PARD6G: variants seen among roughly 807,000 people sequenced by gnomAD.
PARD6G encodes par-6 family cell polarity regulator gamma, also known as partitioning defective 6 homolog gamma.
In PARD6G, 7 loss-of-function variants were observed where a neutral mutation model predicts 10.7. The ratio of observed to expected loss-of-function variants is 0.66; its 90% CI spans 0.37 to 1.23. The LOEUF (loss-of-function observed/expected upper bound fraction) is 1.23. PARD6G is among the 50% of genes most tolerant of loss of function. PARD6G has a pLI of 0.02. For synonymous variants in PARD6G, 287 were observed against 269.4 expected (o/e 1.07, Z -0.64); for missense variants, 548 against 571.8 (o/e 0.96, Z 0.42).
chr18:80,218,130 C>G lies in PARD6G; in HGVS notation c.73-15198G>C, dbSNP rs577808989. ...ACACCATATCATTCCACCCTGGCCC[C>G]TCCAAAATCTCATGTCCTCACATTT... On this transcript the variant is annotated intron_variant, in intron 1 of 2. Transcript: ENST00000353265. Among the ~76,000 whole-genome samples the G allele has an allele frequency of 5.6e-4, 86 of 152,232 alleles. 1 individual carries two copies. Among genetic ancestry groups the G allele is most frequent in the African/African-American group, 2.0e-3 (81 of 41,538 alleles).
intron 1 of PARD6G, among the ~76,000 whole-genome samples, chr18:80,223,308 TC>T (rs1180749007): frequency 1.3e-5 from 2 of 152,134 alleles, no homozygotes; most frequent in African/African-American, 4.8e-5. Context: ...TCAAGGAACA[TC>T]ATGAAGAAAG....
intron 1 of PARD6G, among the ~76,000 whole-genome samples, chr18:80,240,488 C>G (rs1312510900): frequency 6.6e-6 from 1 of 152,188 alleles, no homozygotes; most frequent in African/African-American, 2.4e-5. Context: ...CTCTTCCCAC[C>G]TCCAATGCTG....
intron 2 of PARD6G, chr18:80,171,155 TTACTATAG>T (rs1353571437): frequency 6.6e-6 from 1 of 152,260 alleles, no homozygotes; most frequent in African/African-American, 2.4e-5. Flanking sequence ...CACTCTTCTA[TTACTATAG>T]TCAGCATTTG....
At chr18:80,165,727 G>A (rs1269586628) in intron 2 of PARD6G, among the ~76,000 whole-genome samples, 1 of 139,444 alleles carries the variant, frequency 7.2e-6, no homozygotes, top group Admixed American at 7.0e-5. Context: ...TTTAGTAAAG[G>A]TTTGTTTTGA....
intron 2 of PARD6G, among the ~76,000 whole-genome samples, chr18:80,165,135 C>T (rs1165053875): frequency 1.3e-5 from 2 of 152,198 alleles, no homozygotes; most frequent in Admixed American, 1.3e-4. Context: ...TCTCCCCACC[C>T]TAGTAAGCCT....
intron 2 of PARD6G, among the ~76,000 whole-genome samples, chr18:80,186,116 ACACGCACC>A (rs2052875039): frequency 7.3e-6 from 1 of 137,808 alleles, no homozygotes. Flanking sequence ...GCACACCCTC[ACACGCACC>A]CACACATGCG....
chr18:80,174,198 T>C (rs2052794587), intron 2 of PARD6G, among the ~76,000 whole-genome samples: 1 of 152,116 alleles, frequency 6.6e-6, no homozygotes, highest in Non-Finnish European at 1.5e-5. Flanking sequence ...CTGTATCCTC[T>C]CCAGGTCCAC....
chr18:80,178,157 GT>G (rs2052827206), intron 2 of PARD6G: 1 of 167,114 alleles, frequency 6.0e-6, no homozygotes, highest in Non-Finnish European at 1.5e-5. Flanking sequence ...GCATCCCCAT[GT>G]CTGTCCCAGT....
chr18:80,219,999 T>C (rs1967211957), intron 1 of PARD6G, among the ~76,000 whole-genome samples: 1 of 152,164 alleles, frequency 6.6e-6, no homozygotes, highest in African/African-American at 2.4e-5. Flanking sequence ...GTGGTACCAA[T>C]TTACTGTATT....
intron 1 of PARD6G, among the ~76,000 whole-genome samples, chr18:80,235,275 T>C (rs1411228091): frequency 6.6e-6 from 1 of 151,762 alleles, no homozygotes; most frequent in Non-Finnish European, 1.5e-5. Flanking sequence ...ACATAACAAA[T>C]TGAAGGCAGA....
intron 1 of PARD6G, among the ~76,000 whole-genome samples, chr18:80,235,631 G>C (rs1484952011): frequency 1.3e-5 from 2 of 151,990 alleles, no homozygotes; most frequent in East Asian, 3.9e-4. Flanking sequence ...ATAAAGAAGA[G>C]AGAAGAATCA....
At chr18:80,170,158 A>G (rs1358685827) in intron 2 of PARD6G, 1 of 151,394 alleles carries the variant, frequency 6.6e-6, no homozygotes, top group Non-Finnish European at 1.5e-5. Context: ...ACATGCCAGA[A>G]CAATATTTCA....
rs2145312823 is a variant in PARD6G, at chr18:80,247,411, G to A, written c.-63C>T. 2.2e-6 allele frequency: 3 copies of A among 1,381,138 alleles called. No individual in the cohort carries two copies. Among genetic ancestry groups the A allele is most frequent in the Non-Finnish European group, 1.9e-6 (2 of 1,026,988 alleles). 85.6% of individuals were successfully genotyped at this position (1,381,138 alleles called of 1,614,324 possible). ...CCTCAGGGGCCGCAGAAAGACTCCC[G>A]GGGGCGGCGCCCCCAGGCCCCGGCC... On this transcript the variant is annotated 5_prime_UTR_variant, in exon 1 of 3. Coordinates refer to ENST00000353265, the MANE Select transcript of PARD6G (RefSeq NM_032510.4). This position sits in a 1 kb window ranked among gnomAD's most constrained non-coding sequence, Gnocchi z 4.2.
rs572719232 is a variant in PARD6G, at chr18:80,196,890, TAAAAAAAAA to T, written c.295+5811_295+5819del. The stretch of plus-strand genomic sequence containing the variant: ...GGAGTGGGAGACTTTTTTCTTTTAT[TAAAAAAAAA>T]AAAAAAAAAAAAAAAAAAGAAAATC... On this transcript the variant is annotated intron_variant, in intron 2 of 2. Coordinates refer to ENST00000353265, the MANE Select transcript of PARD6G (RefSeq NM_032510.4). 4.0e-4 allele frequency among the ~76,000 whole-genome samples: 35 copies of T among 88,026 alleles called. 1 individual carries two copies. The highest frequency in any genetic ancestry group is 2.8e-3 in the East Asian group (8 of 2,888). 57.7% of individuals were successfully genotyped at this position (88,026 alleles called of 152,430 possible). A position where few individuals can be genotyped will look rare whatever the true frequency, so the allele number is the denominator to read the frequency against.
chr18:80,226,408 T>A (rs1202862799), intron 1 of PARD6G, among the ~76,000 whole-genome samples: 2 of 152,082 alleles, frequency 1.3e-5, no homozygotes, highest in African/African-American at 4.8e-5. Context: ...CGACCTCAGG[T>A]GATCCGCCTG....
In PARD6G at chr18:80,243,304, C is replaced by A. The variant is rs538401114; in HGVS notation, c.72+3973G>T. 2.6e-5 allele frequency among the ~76,000 whole-genome samples: 4 copies of A among 152,246 alleles called. No homozygotes were observed. In the South Asian group the frequency reaches 6.2e-4, roughly 24 times the overall value. ...AATATTACTGACATGAAAAAACACT[C>A]GCAATACATGATAAGTTAGAGGGGA... On this transcript the variant is annotated intron_variant, in intron 1 of 2. Transcript: ENST00000353265.
At chr18:80,167,692 A>G (rs1294801633) in intron 2 of PARD6G, among the ~76,000 whole-genome samples, 2 of 152,052 alleles carry the variant, frequency 1.3e-5, no homozygotes, top group African/African-American at 4.8e-5. Flanking sequence ...GACCATGGGA[A>G]CATGGCCTAA....
At position 80,247,015 on chromosome 18, in the gene PARD6G, C is replaced by A. The variant is rs1245509150; in HGVS notation, c.72+262G>T. Among the ~76,000 whole-genome samples, 1 of 152,118 alleles carries A rather than the reference C, an allele frequency of 6.6e-6. No individual in the cohort carries two copies. The highest frequency in any genetic ancestry group is 1.5e-5 in the Non-Finnish European group (1 of 68,010). ...GAACAAAAGAGCAGCTCCCGCGGAG[C>A]GGGTCCAGAGTCTGCCCGGACTGTC... On this transcript the variant is annotated intron_variant, in intron 1 of 2. Coordinates refer to ENST00000353265, the MANE Select transcript of PARD6G (RefSeq NM_032510.4). The surrounding 1 kb of genome is among the most constrained non-coding windows in gnomAD (Gnocchi z 4.2).
At chr18:80,162,675 A>G (rs1328632508) in intron 2 of PARD6G, 1 of 168,954 alleles carries the variant, frequency 5.9e-6, no homozygotes, top group East Asian at 1.9e-4. Flanking sequence ...AATTTTACAT[A>G]CAGCTACATG....
Sources: gnomAD v4.1 joint callset for allele counts (sites outside exome capture counted in the v4.1 genomes callset) on GRCh38, gnomAD v4.1.1 for gene constraint, Gnocchi (gnomAD v3.1) non-coding constraint, MANE v1.5 for transcripts, NCBI Gene and HGNC (gene_info 2026-07-23, HGNC 2026-07-21) for gene names.